PCCA: variants seen among roughly 807,000 people sequenced by gnomAD.
The protein encoded by PCCA is propionyl-CoA carboxylase subunit alpha.
Under a neutral mutation model 101.3 loss-of-function variants are expected in PCCA, and 74 were observed. That is an observed-to-expected ratio of 0.73 (90% confidence interval 0.61 to 0.89). The LOEUF is 0.89. PCCA is among the 40% of genes least tolerant of loss of function. The pLI is 0.00. For missense variants in PCCA, 891 were observed against 907.0 expected (o/e 0.98, Z 0.23); for synonymous variants, 294 against 313.6 (o/e 0.94, Z 0.66).
rs1187199530 is a variant in PCCA at position 100,262,711 on chromosome 13, T to A, written c.717-18T>A. 8.5e-7 allele frequency: 1 copy of A among 1,171,722 alleles called. No individual in the cohort carries two copies. Among genetic ancestry groups the A allele is most frequent in the Non-Finnish European group, 1.3e-6 (1 of 795,758 alleles). The allele number at this position is 1,171,722 out of a possible 1,614,324, so 72.6% of individuals were successfully genotyped here. On this transcript the variant is annotated intron_variant, in intron 9 of 23. Coordinates refer to ENST00000376285, the MANE Select transcript of PCCA (RefSeq NM_000282.4). The stretch of plus-strand genomic sequence containing the variant: ...CTCCCTCTCCCCCCCTCCTCCTTCT[T>A]CCTTCTTTTTTTCACAGGGATGGTT...
chr13:100,418,726 C>T (rs996024216), intron 19 of PCCA, among the ~76,000 whole-genome samples: 8 of 151,526 alleles, frequency 5.3e-5, no homozygotes, highest in African/African-American at 1.5e-4. Flanking sequence ...CCCAACTACT[C>T]GGGAGGCTGA....
intron 8 of PCCA, among the ~76,000 whole-genome samples, chr13:100,245,251 C>T (rs920217673): frequency 2.6e-5 from 4 of 152,060 alleles, no homozygotes; most frequent in Admixed American, 6.6e-5. Context: ...TGAATTTAAA[C>T]TGTTTCCTTG....
intron 4 of PCCA, among the ~76,000 whole-genome samples, chr13:100,137,467 G>T (rs566898538): frequency 2.0e-5 from 3 of 152,086 alleles, no homozygotes; most frequent in South Asian, 2.1e-4. Context: ...CTGGGTTATT[G>T]TCTGTTTCTC....
At position 100,467,322 on chromosome 13, in the gene PCCA, C is replaced by T. The variant is rs373900691; in HGVS notation, c.1899+18017C>T. Among the ~76,000 whole-genome samples the T allele has an allele frequency of 2.2e-3, 328 of 152,230 alleles. 2 individuals are homozygous for T. The highest frequency in any genetic ancestry group is 7.4e-3 in the African/African-American group (309 of 41,546). On this transcript the variant is annotated intron_variant, in intron 21 of 23. Transcript: ENST00000376285. Reference sequence around the variant, plus strand: ...CTTAACGGGCCAGACAGCTGAGGTCCGGATTTCTCTGCTTCCTGAGCCAGT... The same window carrying T: ...CTTAACGGGCCAGACAGCTGAGGTCTGGATTTCTCTGCTTCCTGAGCCAGT...
intron 8 of PCCA, among the ~76,000 whole-genome samples, chr13:100,254,590 A>G (rs1594947726): frequency 1.3e-5 from 2 of 152,086 alleles, no homozygotes; most frequent in South Asian, 4.2e-4. Flanking sequence ...GAAAGTAGGG[A>G]TGAGGGACTG....
intron 21 of PCCA, among the ~76,000 whole-genome samples, chr13:100,510,816 T>C (rs1280627586): frequency 1.3e-5 from 2 of 152,204 alleles, no homozygotes; most frequent in African/African-American, 4.8e-5. Flanking sequence ...ACTGATGGAG[T>C]TGTCACAGCA....
At chr13:100,527,865 G>A (rs1353016830) in intron 23 of PCCA, 113 bp downstream of exon 23, 13 of 806,610 alleles carry the variant, frequency 1.6e-5, no homozygotes, top group Non-Finnish European at 2.6e-5. Context: ...TCTCCCCCTC[G>A]CTTCTACAGA....
chr13:100,526,486 C>T (rs1247345157), intron 22 of PCCA, among the ~76,000 whole-genome samples: 1 of 152,250 alleles, frequency 6.6e-6, no homozygotes, highest in Admixed American at 6.5e-5. Flanking sequence ...TCCAGAGTGC[C>T]AGCAAGACAG....
intron 11 of PCCA, among the ~76,000 whole-genome samples, chr13:100,272,045 A>G (rs759970294): frequency 2.0e-5 from 3 of 152,244 alleles, no homozygotes; most frequent in Non-Finnish European, 4.4e-5. Context: ...TTTGTTTCTC[A>G]GAGCCTTTCT....
chr13:100,172,778 C>T (rs2055824970), intron 6 of PCCA, among the ~76,000 whole-genome samples: 2 of 152,188 alleles, frequency 1.3e-5, no homozygotes, highest in Admixed American at 1.3e-4. Flanking sequence ...TCTGCATGTA[C>T]TAACTCATTT....
At chr13:100,529,248 G>T (rs2153009918) in intron 23 of PCCA, among the ~76,000 whole-genome samples, 1 of 152,298 alleles carries the variant, frequency 6.6e-6, no homozygotes, top group South Asian at 2.1e-4. Context: ...CCTCTACTCT[G>T]GTCATCGCTG....
chr13:100,410,224 T>G (rs1177069840), intron 19 of PCCA, among the ~76,000 whole-genome samples: 1 of 152,140 alleles, frequency 6.6e-6, no homozygotes, highest in Non-Finnish European at 1.5e-5. Context: ...GGAAATTTTT[T>G]TTGTTTTTGT....
chr13:100,308,109 TC>T (rs1390125785), intron 15 of PCCA, among the ~76,000 whole-genome samples: 1 of 152,180 alleles, frequency 6.6e-6, no homozygotes, highest in Admixed American at 6.5e-5. Context: ...CGCCTCGGCC[TC>T]CCAAAGTTCT....
rs1375878402 is a variant in PCCA at position 100,309,825 on chromosome 13, G to C, written c.1354-8G>C. ...TATATATTGGGTTTTTTGTTTGCTTGTTTTTAGCTAATCACATATGGCTCT... is the reference window on the plus strand; with the variant it reads ...TATATATTGGGTTTTTTGTTTGCTTCTTTTTAGCTAATCACATATGGCTCT... On this transcript the variant is annotated splice_region_variant and splice_polypyrimidine_tract_variant and intron_variant, in intron 15 of 23. Transcript: ENST00000376285. 3 of 1,601,440 alleles carry C rather than the reference G, an allele frequency of 1.9e-6. No homozygotes were observed. Among genetic ancestry groups the C allele is most frequent in the Non-Finnish European group, 8.6e-7 (1 of 1,168,970 alleles).
intron 15 of PCCA, 26 bp from the exon 16 acceptor site, chr13:100,309,805 ATT>A: frequency 7.1e-7 from 1 of 1,409,302 alleles, no homozygotes; most frequent in South Asian, 1.2e-5. Flanking sequence ...ATATATATAT[ATT>A]GGGTTTTTTG....
chr13:100,126,018 C>T (rs2049920637), intron 4 of PCCA, among the ~76,000 whole-genome samples: 1 of 152,136 alleles, frequency 6.6e-6, no homozygotes, highest in Admixed American at 6.6e-5. Context: ...ACGATTATGA[C>T]ATGTAAGCAT....
At chr13:100,471,654 C>T (rs1426568816) in intron 21 of PCCA, among the ~76,000 whole-genome samples, 1 of 152,184 alleles carries the variant, frequency 6.6e-6, no homozygotes, top group African/African-American at 2.4e-5. Context: ...TGTGGATCTT[C>T]TCTGTTAATG....
intron 12 of PCCA, among the ~76,000 whole-genome samples, chr13:100,285,707 C>T (rs2064564023): frequency 6.6e-6 from 1 of 152,152 alleles, no homozygotes; most frequent in South Asian, 2.1e-4. Context: ...TGCCACTTTT[C>T]TCCCAGAGGA....
At chr13:100,317,613 G>A (rs892104178) in intron 16 of PCCA, among the ~76,000 whole-genome samples, 2 of 151,946 alleles carry the variant, frequency 1.3e-5, no homozygotes, top group Admixed American at 1.3e-4. Context: ...TTGAGACAGG[G>A]TCTCACTCTG....
Sources: gnomAD v4.1 joint callset for allele counts (sites outside exome capture counted in the v4.1 genomes callset) on GRCh38, gnomAD v4.1.1 for gene constraint, MANE v1.5 for transcripts, NCBI Gene and HGNC (gene_info 2026-07-23, HGNC 2026-07-21) for gene names.